SLC35F2: variants seen among roughly 807,000 people sequenced by gnomAD.
The protein encoded by SLC35F2 is queuine/queuosine transporter SLC35F2.
SLC35F2 carries 25 observed loss-of-function variants against 38.1 expected under a neutral mutation model. The observed-to-expected ratio is 0.66, with a 90% CI of 0.48 to 0.92. The LOEUF (loss-of-function observed/expected upper bound fraction) is 0.92. Among genes scored for constraint, SLC35F2 ranks in the 40% least tolerant of loss-of-function variants. SLC35F2 has a pLI of 0.00. For missense variants in SLC35F2, 409 were observed against 452.9 expected (o/e 0.90, Z 0.88); for synonymous variants, 173 against 181.7 (o/e 0.95, Z 0.38).
At chr11:107,826,805 GATAGTACACTCCTAATAAAATATACC>G (rs1285587141) in intron 1 of SLC35F2, among the ~76,000 whole-genome samples, 1 of 148,440 alleles carries the variant, frequency 6.7e-6, no homozygotes, top group African/African-American at 2.6e-5. Flanking sequence ...ATACTAATTT[GATAGTACACTCCTAATAAAATATACC>G]ATAGGATCAA....
intron 1 of SLC35F2, among the ~76,000 whole-genome samples, chr11:107,847,163 C>G (rs1860114586): frequency 1.3e-5 from 2 of 152,110 alleles, no homozygotes; most frequent in South Asian, 4.1e-4. Flanking sequence ...CTGCTTCAGC[C>G]TTCCAAGTAG....
intron 1 of SLC35F2, among the ~76,000 whole-genome samples, chr11:107,818,192 G>A (rs1473536716): frequency 6.6e-6 from 1 of 152,312 alleles, no homozygotes; most frequent in East Asian, 1.9e-4. Flanking sequence ...AACACTTTGG[G>A]AGGCTGAGGC....
In SLC35F2 at chr11:107,803,336, G is replaced by C. The variant is rs1012263243; in HGVS notation, c.785-181C>G. ...CTCTCTCGAAAAAAGAATATAAATA[G>C]CAAGTTGTGATGTAGATAAAGGACC... On this transcript the variant is annotated intron_variant, in intron 6 of 7. Transcript: ENST00000525815. The C allele has an allele frequency of 9.2e-5, 91 of 984,676 alleles. 1 individual carries two copies. In the African/African-American group the frequency reaches 1.4e-3, roughly 15 times the overall value. 61.0% of individuals were successfully genotyped at this position (984,676 alleles called of 1,614,324 possible).
At chr11:107,822,244 T>A (rs1368785767) in intron 1 of SLC35F2, among the ~76,000 whole-genome samples, 3 of 152,016 alleles carry the variant, frequency 2.0e-5, no homozygotes, top group East Asian at 1.9e-4. Context: ...AAAAAAAAAA[T>A]TTAAGGAATG....
At chr11:107,799,788 T>C (rs1859276562) in intron 7 of SLC35F2, among the ~76,000 whole-genome samples, 1 of 152,130 alleles carries the variant, frequency 6.6e-6, no homozygotes, top group South Asian at 2.1e-4. Context: ...CAGGATGGTC[T>C]CGATCTCTTG....
chr11:107,830,583 C>CAAAAAAAAAAA, intron 1 of SLC35F2, among the ~76,000 whole-genome samples: 1 of 95,732 alleles, frequency 1.0e-5, no homozygotes, highest in South Asian at 3.6e-4. Flanking sequence ...GACTCAGTCT[C>CAAAAAAAAAAA]AAAAAAAAAA....
At chr11:107,819,601 C>A (rs545648223) in intron 1 of SLC35F2, among the ~76,000 whole-genome samples, 1 of 152,160 alleles carries the variant, frequency 6.6e-6, no homozygotes, top group African/African-American at 2.4e-5. Flanking sequence ...AAAGGAAATT[C>A]ACCACTTAGT....
chr11:107,845,104 T>C (rs1478010719), intron 1 of SLC35F2, among the ~76,000 whole-genome samples: 1 of 152,120 alleles, frequency 6.6e-6, no homozygotes, highest in Non-Finnish European at 1.5e-5. Context: ...TCTTGCTTCA[T>C]ATCACAGTGA....
intron 1 of SLC35F2, among the ~76,000 whole-genome samples, chr11:107,829,677 C>CAA (rs59625402): frequency 2.4e-4 from 21 of 87,300 alleles, no homozygotes; most frequent in Middle Eastern, 0.014. Flanking sequence ...TGAAATCTCA[C>CAA]AAAAAAAAAA....
chr11:107,835,137 T>G (rs370782549), intron 1 of SLC35F2, among the ~76,000 whole-genome samples: 6 of 152,170 alleles, frequency 3.9e-5, no homozygotes, highest in Non-Finnish European at 8.8e-5. Context: ...CACACTCACA[T>G]GCAAAAACAG....
chr11:107,818,697 G>A (rs949102640), intron 1 of SLC35F2, among the ~76,000 whole-genome samples: 1 of 152,114 alleles, frequency 6.6e-6, no homozygotes, highest in Non-Finnish European at 1.5e-5. Flanking sequence ...GTACTGTATA[G>A]TACTCTACCA....
rs1859153516 is a variant in SLC35F2, at chr11:107,792,757, C to G, written c.983G>C (p.Gly328Ala). Residue 328 changes from glycine (G) to alanine (A), a missense_variant, in exon 8 of 8, where the codon GGG becomes GCG. Coordinates refer to ENST00000525815, the MANE Select transcript of SLC35F2 (RefSeq NM_017515.5). Reference sequence around the variant, plus strand: ...AGGGGTGGAGCAGTACAGGATAAACCCCACCATGATGACAGTGAAGGACAG... The same window carrying G: ...AGGGGTGGAGCAGTACAGGATAAACGCCACCATGATGACAGTGAAGGACAG... Reference protein sequence around the residue: ...YILSFTVIMVGFILYCSTPTR... With the variant: ...YILSFTVIMVAFILYCSTPTR... 1 of 1,607,190 alleles carries G rather than the reference C, an allele frequency of 6.2e-7. No individual in the cohort carries two copies. Among genetic ancestry groups the G allele is most frequent in the Non-Finnish European group, 8.5e-7 (1 of 1,176,784 alleles).
intron 1 of SLC35F2, among the ~76,000 whole-genome samples, chr11:107,827,285 G>A (rs1021769360): frequency 6.6e-6 from 1 of 152,118 alleles, no homozygotes; most frequent in African/African-American, 2.4e-5. Context: ...CACCCCTAGT[G>A]CCTAGATAAT....
At chr11:107,807,749 T>A (rs1859421480) in intron 3 of SLC35F2, among the ~76,000 whole-genome samples, 1 of 151,946 alleles carries the variant, frequency 6.6e-6, no homozygotes, top group Admixed American at 6.6e-5. Context: ...AATTTTTGTA[T>A]CTTTTAGTAG....
chr11:107,851,097 T>C (rs1406406331), intron 1 of SLC35F2, among the ~76,000 whole-genome samples: 1 of 151,862 alleles, frequency 6.6e-6, no homozygotes, highest in Non-Finnish European at 1.5e-5. Context: ...ACCCCATCTC[T>C]ACTATAAATA....
intron 4 of SLC35F2, 71 bp from the exon 5 acceptor site, chr11:107,805,586 G>A (rs1859378131): frequency 6.5e-7 from 1 of 1,533,464 alleles, no homozygotes; most frequent in African/African-American, 1.4e-5. Flanking sequence ...CCTCCAGGCG[G>A]TCATCTGACT....
rs755757106 is a variant in SLC35F2 at position 107,792,665 on chromosome 11, C to A, written c.1075G>T (p.Gly359Trp). The change falls in exon 8 of 8, where the codon GGG becomes TGG. Residue 359 changes from glycine (G) to tryptophan (W), a missense_variant. Transcript: ENST00000525815. Reference sequence around the variant, plus strand: ...TGGAGGTTCTCCTCCAGCTTCAGCCCCAGGTTGTCAATCCCAATGCTGGTG... The same window carrying A: ...TGGAGGTTCTCCTCCAGCTTCAGCCACAGGTTGTCAATCCCAATGCTGGTG... Reference protein sequence around the residue: ...PVTSIGIDNLGLKLEENLQET... With the variant: ...PVTSIGIDNLWLKLEENLQET... 22 of 1,613,668 alleles carry A rather than the reference C, an allele frequency of 1.4e-5. No homozygotes were observed. The highest frequency in any genetic ancestry group is 1.8e-5 in the Non-Finnish European group (21 of 1,179,902).
chr11:107,814,784 G>A (rs749746291), intron 2 of SLC35F2, among the ~76,000 whole-genome samples: 2 of 152,136 alleles, frequency 1.3e-5, no homozygotes, highest in Middle Eastern at 3.2e-3. Flanking sequence ...GCAACGTGGT[G>A]AAACCCTGTC....
intron 7 of SLC35F2, among the ~76,000 whole-genome samples, chr11:107,793,117 A>G (rs911153087): frequency 2.6e-5 from 4 of 151,978 alleles, no homozygotes; most frequent in African/African-American, 9.7e-5. Context: ...GGGTTTTTCC[A>G]TGTTGCCCAG....
Sources: gnomAD v4.1 joint callset for allele counts (sites outside exome capture counted in the v4.1 genomes callset) on GRCh38, gnomAD v4.1.1 for gene constraint, MANE v1.5 for transcripts, NCBI Gene and HGNC (gene_info 2026-07-23, HGNC 2026-07-21) for gene names.